Variants in ALPK3 observed in about 807,000 individuals in gnomAD.
ALPK3 encodes alpha-protein kinase 3.
ALPK3 carries 102 observed loss-of-function variants against 140.0 expected under a neutral mutation model. The observed-to-expected ratio is 0.73, with a 90% CI of 0.62 to 0.86. The LOEUF (loss-of-function observed/expected upper bound fraction) is 0.86, where lower values mean the gene tolerates loss of function less well. Ranked by LOEUF, ALPK3 falls within the 40% of genes least tolerant of loss-of-function variation. ALPK3 has a pLI of 0.00. For missense variants in ALPK3, 2,254 were observed against 2,208.2 expected (o/e 1.02, Z -0.42); for synonymous variants, 938 against 898.5 (o/e 1.04, Z -0.79).
Position 84,840,783 on chromosome 15 carries a change from C to T in ALPK3, c.1504C>T (p.Leu502=), listed in dbSNP as rs756727368. The change falls in exon 5 of 14, where the codon CTG becomes TTG. Residue 502 remains leucine, a synonymous_variant. Coordinates refer to ENST00000258888, the MANE Select transcript of ALPK3 (RefSeq NM_020778.5). The stretch of plus-strand genomic sequence containing the variant: ...CACTGACAGCAAGCCCATTTCTTCT[C>T]TGAGTCAAGCTCCAGAATGCGGGGC... ...ATTDSKPISS[L]SQAPECGAQS... is the part of the protein sequence containing the mutation. 6.2e-7 allele frequency: 1 copy of T among 1,614,266 alleles called. No homozygotes were observed. The highest frequency in any genetic ancestry group is 8.5e-7 in the Non-Finnish European group (1 of 1,180,046).
rs78086440 is a variant in ALPK3 at position 84,846,940 on chromosome 15, G to A, written c.1653+6008G>A. Among the ~76,000 whole-genome samples the A allele has an allele frequency of 2.8e-3, 421 of 151,924 alleles. 1 individual carries two copies. The highest frequency in any genetic ancestry group is 8.3e-3 in the African/African-American group (345 of 41,434). On this transcript the variant is annotated intron_variant, in intron 5 of 13. Transcript: ENST00000258888. The stretch of plus-strand genomic sequence containing the variant: ...TGTGCCGCTACACTTGGCTAATTTT[G>A]TATTTTTAGTACAGGGGTTTCACTG...
chr15:84,823,421 C>T, intron 2 of ALPK3, 53 bp downstream of exon 2: 1 of 1,596,780 alleles, frequency 6.3e-7, no homozygotes, highest in South Asian at 1.1e-5. Context: ...TGGGTCTGGG[C>T]ATTGAGGGGC....
intron 1 of ALPK3, among the ~76,000 whole-genome samples, chr15:84,818,955 T>G (rs1180057027): frequency 6.6e-6 from 1 of 152,206 alleles, no homozygotes; most frequent in Admixed American, 6.5e-5. Context: ...TTGTCTGGGC[T>G]TTGCCTCCTG....
intron 3 of ALPK3, 43 bp from the exon 4 acceptor site, chr15:84,838,937 G>A (rs377764874): frequency 2.9e-4 from 458 of 1,568,700 alleles, no homozygotes; most frequent in Admixed American, 1.1e-3. Context: ...CCATTATTTT[G>A]GAACTGGCCT....
intron 5 of ALPK3, among the ~76,000 whole-genome samples, chr15:84,854,903 T>C (rs1963843224): frequency 6.6e-6 from 1 of 152,254 alleles, no homozygotes; most frequent in African/African-American, 2.4e-5. Context: ...AAGTGAAATA[T>C]GTTCAGTGCT....
At chr15:84,852,416 TG>T (rs1464930049) in intron 5 of ALPK3, 1 of 174,574 alleles carries the variant, frequency 5.7e-6, no homozygotes, top group Middle Eastern at 2.5e-3. Flanking sequence ...GTTTACAATT[TG>T]TTTTTTCTTT....
At chr15:84,850,776 A>G (rs1364235539) in intron 5 of ALPK3, among the ~76,000 whole-genome samples, 1 of 152,108 alleles carries the variant, frequency 6.6e-6, no homozygotes, top group East Asian at 1.9e-4. Flanking sequence ...CCCTTGTAGT[A>G]AAAAAGCTTA....
Position 84,863,607 on chromosome 15 carries a change from C to T in ALPK3, c.4466C>T (p.Ala1489Val), listed in dbSNP as rs145438318. 7 of 1,613,962 alleles carry T rather than the reference C, an allele frequency of 4.3e-6. No homozygotes were observed. Among genetic ancestry groups the T allele is most frequent in the Non-Finnish European group, 4.2e-6 (5 of 1,179,990 alleles). ...REYCKIFAAE[A>V]RAAPGFGEVP... ...TACTGCAAAATCTTCGCAGCAGAAG[C>T]CCGGGCCGCGCCTGGCTTTGGGGAG... is the stretch of plus-strand genomic sequence containing the variant. The change falls in exon 11 of 14, where the codon GCC becomes GTC. Residue 1489 changes from alanine (A) to valine (V), a missense_variant. By Grantham distance (64) the Ala-to-Val change is moderately conservative. This residue lies in a region of ALPK3 where 2,088 missense variants were observed against 2,022.9 expected (regional missense o/e 1.03). Coordinates refer to ENST00000258888, the MANE Select transcript of ALPK3 (RefSeq NM_020778.5).
chr15:84,871,058 T>C lies in ALPK3; in HGVS notation c.*2602T>C, dbSNP rs552325763. 7.2e-5 allele frequency: 11 copies of C among 152,790 alleles called. No homozygotes were observed. The highest frequency in any genetic ancestry group is 2.2e-4 in the African/African-American group (9 of 41,592). 9.5% of individuals were successfully genotyped at this position (152,790 alleles called of 1,614,324 possible). A position where few individuals can be genotyped will look rare whatever the true frequency, so the allele number is the denominator to read the frequency against. ...CTCTTTCAGTTTTATCACAATTCCATTTTGAAATTCTACAACCTGTAGATT... is the reference window on the plus strand; with the variant it reads ...CTCTTTCAGTTTTATCACAATTCCACTTTGAAATTCTACAACCTGTAGATT... On this transcript the variant is annotated 3_prime_UTR_variant, in exon 14 of 14. Coordinates refer to ENST00000258888, the MANE Select transcript of ALPK3 (RefSeq NM_020778.5).
At chr15:84,852,549 G>A (rs971173170) in intron 5 of ALPK3, 1 of 302,434 alleles carries the variant, frequency 3.3e-6, no homozygotes, top group Non-Finnish European at 6.6e-6. Context: ...TGGCATCCTA[G>A]AGAGAACTTC....
At position 84,840,093 on chromosome 15, in the gene ALPK3, G is replaced by A. The variant is rs760641718; in HGVS notation, c.814G>A (p.Gly272Arg). ...GGGCCTGATCAACAGTTTTGCTTCT[G>A]GAGAAGTGACCACCAACGGGGAGGC... Reference protein sequence around the residue: ...GLGLINSFASGEVTTNGEAAP... With the variant: ...GLGLINSFASREVTTNGEAAP... The change falls in exon 5 of 14, where the codon GGA (glycine) becomes AGA (arginine). Residue 272 changes from glycine to arginine, a missense_variant. By Grantham distance (125) the Gly-to-Arg change is moderately radical. Around this residue, in one of 3 missense-constraint regions of ALPK3, gnomAD observed 2,088 missense variants for 2,022.9 expected, o/e 1.03. Transcript: ENST00000258888. 4 of 1,614,142 alleles carry A rather than the reference G, an allele frequency of 2.5e-6. No individual in the cohort carries two copies. The highest frequency in any genetic ancestry group is 3.4e-6 in the Non-Finnish European group (4 of 1,180,020).
intron 9 of ALPK3, among the ~76,000 whole-genome samples, chr15:84,860,970 C>T (rs1963938077): frequency 6.6e-6 from 1 of 152,358 alleles, no homozygotes; most frequent in African/African-American, 2.4e-5. Context: ...GATCCACCTG[C>T]CTTGGCCTCC....
Position 84,862,762 on chromosome 15 carries a change from C to G in ALPK3, c.4257C>G (p.Gly1419=). The G allele has an allele frequency of 6.2e-7, 1 of 1,614,112 alleles. No individual in the cohort carries two copies. The highest frequency in any genetic ancestry group is 8.5e-7 in the Non-Finnish European group (1 of 1,180,012). Residue 1419 remains glycine (G), a synonymous_variant, in exon 10 of 14, where the codon GGC becomes GGG. Coordinates refer to ENST00000258888, the MANE Select transcript of ALPK3 (RefSeq NM_020778.5). ...EELRGGGYGC[G]LRKASQAKVI... is the part of the protein sequence containing the mutation. Reference sequence around the variant, plus strand: ...TCCGAGGGGGTGGATATGGGTGTGGCCTTCGGAAGGCCTCCCAGGCCAAGG... The same window carrying G: ...TCCGAGGGGGTGGATATGGGTGTGGGCTTCGGAAGGCCTCCCAGGCCAAGG...
At chr15:84,830,988 A>C (rs1262009994) in intron 3 of ALPK3, among the ~76,000 whole-genome samples, 6 of 152,222 alleles carry the variant, frequency 3.9e-5, no homozygotes, top group Non-Finnish European at 7.3e-5. Context: ...TGCTGGGATT[A>C]TAGTAGGCAT....
chr15:84,840,895 C>G lies in ALPK3; in HGVS notation c.1616C>G (p.Thr539Arg), dbSNP rs750057517. Residue 539 changes from threonine to arginine, a missense_variant, in exon 5 of 14, where the codon ACG (threonine) becomes AGG (arginine). Thr to Arg is a moderately conservative substitution (Grantham distance 71). Transcript: ENST00000258888. ...ARRRHGTRDS[T>R]LQGQAGHRTP... ...CGGAGACATGGCACCCGGGACAGCA[C>G]GTTGCAGGGGCAAGCAGGCCACAGG... 1.8e-5 allele frequency: 29 copies of G among 1,611,174 alleles called. No homozygotes were observed. The highest frequency in any genetic ancestry group is 2.4e-5 in the Non-Finnish European group (28 of 1,178,782).
At chr15:84,863,331 C>T (rs1039065683) in intron 10 of ALPK3, among the ~76,000 whole-genome samples, 4 of 152,240 alleles carry the variant, frequency 2.6e-5, no homozygotes, top group East Asian at 3.9e-4. Context: ...GAAATCACTT[C>T]GAAAACCTCA....
At chr15:84,839,663 C>T (rs753602798) in intron 4 of ALPK3, 39 bp from the exon 5 acceptor site, 5 of 1,552,228 alleles carry the variant, frequency 3.2e-6, no homozygotes, top group South Asian at 2.5e-5. Context: ...TCTCACCTCC[C>T]AGGAGGGGAG....
intron 2 of ALPK3, 57 bp from the exon 3 acceptor site, chr15:84,827,427 G>A: frequency 6.2e-7 from 1 of 1,609,594 alleles, no homozygotes; most frequent in Non-Finnish European, 8.5e-7. Context: ...GGACAGGCCA[G>A]GCTGTGCTGT....
At chr15:84,864,378 G>T in intron 11 of ALPK3, 64 bp from the exon 12 acceptor site, 1 of 1,498,796 alleles carries the variant, frequency 6.7e-7, no homozygotes, top group Non-Finnish European at 9.2e-7. Context: ...ATACAGAATT[G>T]GGTGGGAGGG....
Sources: allele counts gnomAD v4.1 joint callset (sites outside exome capture counted in the v4.1 genomes callset), GRCh38; gene constraint gnomAD v4.1.1; regional missense constraint gnomAD v4.1.1; transcripts MANE v1.5; gene names NCBI Gene and HGNC (gene_info 2026-07-23, HGNC 2026-07-21).